FSTL4: variants seen among roughly 807,000 people sequenced by gnomAD.
FSTL4 encodes follistatin-related protein 4.
FSTL4 carries 28 observed loss-of-function variants against 78.2 expected under a neutral mutation model. The observed-to-expected ratio is 0.36, with a 90% CI of 0.27 to 0.49. The LOEUF (loss-of-function observed/expected upper bound fraction) is 0.49, where lower values mean the gene tolerates loss of function less well. Among genes scored for constraint, FSTL4 ranks in the 20% least tolerant of loss-of-function variants. The pLI, the probability that FSTL4 is intolerant of heterozygous loss-of-function variation, is 0.98. For synonymous variants in FSTL4, 422 were observed against 440.5 expected, an observed-to-expected ratio of 0.96 and a Z score of 0.53; for missense variants, 922 against 1,084.9, an observed-to-expected ratio of 0.85 and a Z score of 2.11.
rs199573195 is a variant in FSTL4 at position 133,199,468 on chromosome 5, C to A, written c.2156G>T (p.Arg719Leu). ...PWLHVQEITV[R>L]GEIQTLYDLQ... ...GTCATACAGGGTCTGGATCTCGCCCCGCACTGTGATCTCCTGCACGTGCAG... is the reference window on the plus strand; with the variant it reads ...GTCATACAGGGTCTGGATCTCGCCCAGCACTGTGATCTCCTGCACGTGCAG... Residue 719 changes from arginine to leucine, a missense_variant, in exon 16 of 16, where the codon CGG becomes CTG. Transcript: ENST00000265342. The surrounding 1 kb of genome is among the most constrained non-coding windows in gnomAD (Gnocchi z 4.4). 5.0e-6 allele frequency: 8 copies of A among 1,614,188 alleles called. No homozygotes were observed. Among genetic ancestry groups the A allele is most frequent in the Non-Finnish European group, 6.8e-6 (8 of 1,180,014 alleles).
At chr5:133,368,582 C>T (rs1755224814) in intron 4 of FSTL4, among the ~76,000 whole-genome samples, 1 of 152,192 alleles carries the variant, frequency 6.6e-6, no homozygotes, top group African/African-American at 2.4e-5. Context: ...GACTGCCAAC[C>T]TCTGTAGAAA....
At chr5:133,651,849 A>G in the FSTL4 span, among the ~76,000 whole-genome samples, 1 of 152,250 alleles carries the variant, frequency 6.6e-6, no homozygotes, top group Non-Finnish European at 1.5e-5. Flanking sequence ...AAGAGATTGT[A>G]GAAACTTTAT....
chr5:133,296,150 C>T (rs933413737), intron 6 of FSTL4, among the ~76,000 whole-genome samples: 2 of 152,282 alleles, frequency 1.3e-5, no homozygotes, highest in East Asian at 3.9e-4. Flanking sequence ...CCTTCCAGTC[C>T]TCATGCCCAA....
chr5:133,562,595 G>C (rs73281995), intron 3 of FSTL4, among the ~76,000 whole-genome samples: 3 of 152,120 alleles, frequency 2.0e-5, no homozygotes, highest in Non-Finnish European at 4.4e-5. Context: ...TCCTCTCCCG[G>C]GTTCCCTCAC....
chr5:133,833,959 C>T, the FSTL4 span, among the ~76,000 whole-genome samples: 1 of 152,178 alleles, frequency 6.6e-6, no homozygotes, highest in Non-Finnish European at 1.5e-5. Context: ...CTAAAGAAGT[C>T]AGACGTGTCC....
the FSTL4 span, among the ~76,000 whole-genome samples, chr5:133,825,030 A>T: frequency 6.6e-6 from 1 of 152,220 alleles, no homozygotes; most frequent in Non-Finnish European, 1.5e-5. Context: ...CCACAGGGCA[A>T]GAGTCCGTGG....
chr5:133,276,043 T>G (rs1005281644), intron 6 of FSTL4: 1 of 152,238 alleles, frequency 6.6e-6, no homozygotes, highest in South Asian at 2.1e-4. Context: ...GTGAGAGAGC[T>G]CCCTGCATAA....
At chr5:133,536,100 A>T (rs1353624136) in intron 3 of FSTL4, among the ~76,000 whole-genome samples, 1 of 152,220 alleles carries the variant, frequency 6.6e-6, no homozygotes, top group Non-Finnish European at 1.5e-5. Flanking sequence ...TGAACTGAGC[A>T]CATGACGGAA....
At chr5:133,385,667 G>C (rs1333481059) in intron 4 of FSTL4, among the ~76,000 whole-genome samples, 6 of 152,196 alleles carry the variant, frequency 3.9e-5, no homozygotes, top group Admixed American at 3.3e-4. Flanking sequence ...AAAAGGGAGA[G>C]ACTGCGCAGG....
chr5:133,790,261 A>C, the FSTL4 span, among the ~76,000 whole-genome samples: 2 of 152,224 alleles, frequency 1.3e-5, no homozygotes, highest in African/African-American at 4.8e-5. Context: ...GACCTATGTG[A>C]AAATCCTGGC....
chr5:133,377,245 G>A (rs150444072), intron 4 of FSTL4, among the ~76,000 whole-genome samples: 32 of 152,226 alleles, frequency 2.1e-4, no homozygotes, highest in South Asian at 4.2e-4. Flanking sequence ...ACTGGGACCC[G>A]AAGTTCCCTC....
At chr5:133,504,171 C>T (rs148121628) in intron 3 of FSTL4, among the ~76,000 whole-genome samples, 3 of 152,172 alleles carry the variant, frequency 2.0e-5, no homozygotes, top group African/African-American at 7.2e-5. Flanking sequence ...GGAACACAGC[C>T]AAACCGTATC....
At chr5:133,371,558 C>A (rs1487335925) in intron 4 of FSTL4, among the ~76,000 whole-genome samples, 3 of 152,212 alleles carry the variant, frequency 2.0e-5, no homozygotes, top group Non-Finnish European at 2.9e-5. Context: ...TGGCACAACA[C>A]AAGAGCTCCC....
intron 3 of FSTL4, among the ~76,000 whole-genome samples, chr5:133,505,635 A>G (rs1272084887): frequency 1.3e-5 from 2 of 152,252 alleles, no homozygotes; most frequent in Non-Finnish European, 2.9e-5. Flanking sequence ...TTTTGGAATA[A>G]ATTCTCTGTC....
the FSTL4 span, among the ~76,000 whole-genome samples, chr5:133,840,304 T>G: frequency 6.6e-6 from 1 of 152,244 alleles, no homozygotes; most frequent in Non-Finnish European, 1.5e-5. Context: ...TATCTTCCAG[T>G]GCATATGCAC....
chr5:133,784,794 T>G, the FSTL4 span, among the ~76,000 whole-genome samples: 58 of 152,280 alleles, frequency 3.8e-4, no homozygotes, highest in African/African-American at 1.3e-3. Flanking sequence ...TTTTCAGGTT[T>G]CAGGGCTAGA....
intron 2 of FSTL4, among the ~76,000 whole-genome samples, chr5:133,595,646 CA>C (rs1760722281): frequency 6.6e-6 from 1 of 152,204 alleles, no homozygotes; most frequent in African/African-American, 2.4e-5. Context: ...GAAGGGCGCA[CA>C]GTCTTCTTGA....
At chr5:133,664,337 G>C in the FSTL4 span, among the ~76,000 whole-genome samples, 3 of 151,864 alleles carry the variant, frequency 2.0e-5, no homozygotes, top group African/African-American at 7.3e-5. Context: ...AATTCCAGTA[G>C]AATTTCCTAG....
intron 7 of FSTL4, chr5:133,243,770 A>G (rs1191033834): frequency 1.3e-5 from 2 of 152,102 alleles, no homozygotes; most frequent in South Asian, 2.1e-4. Flanking sequence ...TGGCAACAAC[A>G]CTTGTGATGG....
Sources: allele counts gnomAD v4.1 joint callset (sites outside exome capture counted in the v4.1 genomes callset), GRCh38; gene constraint gnomAD v4.1.1; non-coding constraint Gnocchi (gnomAD v3.1); transcripts MANE v1.5; gene names NCBI Gene and HGNC (gene_info 2026-07-23, HGNC 2026-07-21).